A2ML1: variants seen among roughly 807,000 people sequenced by gnomAD.
A2ML1 encodes alpha-2-macroglobulin like 1, also known as alpha-2-macroglobulin-like protein 1.
A2ML1 carries 161 observed loss-of-function variants against 181.9 expected under a neutral mutation model. That is an observed-to-expected ratio of 0.89 (90% confidence interval 0.78 to 1.01). A2ML1 has a LOEUF of 1.01. Ranked by LOEUF, A2ML1 falls within the 50% of genes least tolerant of loss-of-function variation. A2ML1 has a pLI of 0.00. For missense variants in A2ML1, 1,670 were observed against 1,768.1 expected (o/e 0.94, Z 1.00); for synonymous variants, 663 against 666.8 (o/e 0.99, Z 0.09).
chr12:8,876,870 T>G (rs1944813397), downstream of A2ML1: 1 of 152,200 alleles, frequency 6.6e-6, no homozygotes, highest in East Asian at 1.9e-4. Flanking sequence ...AAACTCACAG[T>G]TTGGTTTCTT....
downstream of A2ML1, among the ~76,000 whole-genome samples, chr12:8,881,738 G>A (rs1364874930): frequency 6.6e-6 from 1 of 152,148 alleles, no homozygotes; most frequent in African/African-American, 2.4e-5. Flanking sequence ...GTGGCTGGGT[G>A]TGGTGGCTCA....
intron 33 of A2ML1, 145 bp from the exon 34 acceptor site, chr12:8,874,280 T>C: frequency 3.7e-6 from 2 of 546,500 alleles, no homozygotes; most frequent in South Asian, 2.0e-5. Flanking sequence ...CCTCCCAAAG[T>C]GCTGGGATTA....
At chr12:8,883,424 G>T (rs1195047326) in intron 7 of A2ML1, among the ~76,000 whole-genome samples, 2 of 152,190 alleles carry the variant, frequency 1.3e-5, no homozygotes, top group Non-Finnish European at 2.9e-5. Flanking sequence ...CAGAATTCCA[G>T]CCTACAAAAA....
intron 7 of A2ML1, among the ~76,000 whole-genome samples, chr12:8,882,073 T>G (rs1173783836): frequency 6.6e-6 from 1 of 150,680 alleles, no homozygotes; most frequent in Non-Finnish European, 1.5e-5. Context: ...GTTGAGATAG[T>G]GGGATATAAA....
In A2ML1 at chr12:8,843,321, C is replaced by A; in HGVS notation, c.1436C>A (p.Ala479Asp). The part of the protein sequence containing the change: ...EVLVDYYIDP[A>D]DASPDQEISF... ...CTGGTGGATTATTACATCGACCCGG[C>A]CGATGCAAGCCCTGACCAAGAGATC... Residue 479 changes from alanine to aspartate, a missense_variant, in exon 12 of 36, where the codon GCC (alanine) becomes GAC (aspartate). By Grantham distance (126) the Ala-to-Asp change is moderately radical (BLOSUM62 -2). Transcript: ENST00000299698. 1 of 1,613,828 alleles carries A rather than the reference C, an allele frequency of 6.2e-7. No homozygotes were observed. The highest frequency in any genetic ancestry group is 8.5e-7 in the Non-Finnish European group (1 of 1,180,036).
chr12:8,874,467 AGT>A lies in A2ML1; in HGVS notation c.4268_4269del (p.Val1423AlafsTer14). 2 of 1,614,106 alleles carry A rather than the reference AGT, an allele frequency of 1.2e-6. No homozygotes were observed. Among genetic ancestry groups the A allele is most frequent in the Non-Finnish European group, 1.7e-6 (2 of 1,179,994 alleles). On this transcript the variant is annotated frameshift_variant, in exon 34 of 36. Transcript: ENST00000299698. LOFTEE classifies it high-confidence loss of function. ...GACTTACACCTTCACCATCAGCCAA[AGT>A]GTGCTGGTCACCAACTTGAAACCAG... Reference protein sequence around the residue: ...TQTYTFTISQSVLVTNLKPAT... With the variant: ...TQTYTFTISQXVLVTNLKPAT...
At chr12:8,848,671 C>G in intron 15 of A2ML1, 49 bp from the exon 16 acceptor site, 1 of 1,432,758 alleles carries the variant, frequency 7.0e-7, no homozygotes, top group East Asian at 2.4e-5. Flanking sequence ...AGTTTCTCAA[C>G]TGATATCACT....
Position 8,861,311 on chromosome 12 carries a change from G to A in A2ML1, c.3502+14G>A. The A allele has an allele frequency of 1.9e-6, 3 of 1,613,076 alleles. No homozygotes were observed. Among genetic ancestry groups the A allele is most frequent in the South Asian group, 2.2e-5 (2 of 90,916 alleles). On this transcript the variant is annotated intron_variant, in intron 28 of 35. Transcript: ENST00000299698. Reference sequence around the variant, plus strand: ...CTATCATCTCAGGTATGTTGGTCCTGTTGAGAGTTCTTTGAAATTGTGAAC... The same window carrying A: ...CTATCATCTCAGGTATGTTGGTCCTATTGAGAGTTCTTTGAAATTGTGAAC...
rs781140434 is a variant in A2ML1 at position 8,884,883 on chromosome 12, G to A, written c.*95-1624G>A. The stretch of plus-strand genomic sequence containing the variant: ...CCTTTTTATGGCTGCATAGTATTCC[G>A]TGGTTTATATGTACCACATTTTCTT... On this transcript the variant is annotated intron_variant and NMD_transcript_variant, in intron 7 of 7. Coordinates refer to the A2ML1 transcript ENST00000537475. 6.6e-5 allele frequency among the ~76,000 whole-genome samples: 10 copies of A among 152,252 alleles called. 1 individual carries two copies. Among genetic ancestry groups the A allele is most frequent in the African/African-American group, 2.2e-4 (9 of 41,560 alleles).
chr12:8,829,853 T>C, intron 4 of A2ML1, 74 bp downstream of exon 4: 1 of 1,589,940 alleles, frequency 6.3e-7, no homozygotes, highest in Non-Finnish European at 8.6e-7. Context: ...AGGGTGGAAG[T>C]CCTCTCAGCC....
chr12:8,858,075 G>A lies in A2ML1; in HGVS notation c.3237G>A (p.Val1079=), dbSNP rs11612600. Residue 1079 remains valine (V), a synonymous_variant, in exon 26 of 36, where the codon GTG becomes GTA. Coordinates refer to ENST00000299698, the MANE Select transcript of A2ML1 (RefSeq NM_144670.6). ...NQLPSGCYAN[V]GNLLHTAMKG... Reference sequence around the variant, plus strand: ...TCCCCAGTGGCTGCTATGCCAACGTGGGAAATCTCCTTCACACAGCTATGA... The same window carrying A: ...TCCCCAGTGGCTGCTATGCCAACGTAGGAAATCTCCTTCACACAGCTATGA... 0.34 allele frequency: 542,786 copies of A among 1,613,776 alleles called. 95,106 individuals are homozygous for A. The highest frequency in any genetic ancestry group is 0.36 in the Non-Finnish European group (426,562 of 1,179,894).
chr12:8,870,737 AGAGTGG>A (rs1235182855), intron 33 of A2ML1, among the ~76,000 whole-genome samples: 1 of 152,028 alleles, frequency 6.6e-6, no homozygotes. Flanking sequence ...TTGGAGAGAG[AGAGTGG>A]GTTGTCCAAG....
chr12:8,843,188 T>A lies in A2ML1; in HGVS notation c.1303T>A (p.Tyr435Asn). 1 of 1,614,220 alleles carries A rather than the reference T, an allele frequency of 6.2e-7. No individual in the cohort carries two copies. The highest frequency in any genetic ancestry group is 8.5e-7 in the Non-Finnish European group (1 of 1,180,050). ...TAATCCGGAACAAGTGCCACGTTACTACCAAAATGCCTACCTGCACCTGCG... is the reference window on the plus strand; with the variant it reads ...TAATCCGGAACAAGTGCCACGTTACAACCAAAATGCCTACCTGCACCTGCG... ...VYNPEQVPRY[Y>N]QNAYLHLRPF... Residue 435 changes from tyrosine to asparagine, a missense_variant, in exon 12 of 36, where the codon TAC becomes AAC. By Grantham distance (143) the Tyr-to-Asn change is moderately radical. Coordinates refer to ENST00000299698, the MANE Select transcript of A2ML1 (RefSeq NM_144670.6).
intron 3 of A2ML1, among the ~76,000 whole-genome samples, chr12:8,827,106 T>C (rs1942954405): frequency 6.6e-6 from 1 of 152,086 alleles, no homozygotes; most frequent in Non-Finnish European, 1.5e-5. Flanking sequence ...TTTGGGAGGC[T>C]GAGGTGGGCA....
At chr12:8,848,942 A>AT in intron 16 of A2ML1, 28 bp downstream of exon 16, 2 of 1,590,214 alleles carry the variant, frequency 1.3e-6, no homozygotes, top group Non-Finnish European at 1.7e-6. Context: ...TTTTGTTCTT[A>AT]TGGGAAAGAT....
At chr12:8,841,285 T>C in intron 10 of A2ML1, 84 bp from the exon 11 acceptor site, 2 of 1,307,192 alleles carry the variant, frequency 1.5e-6, no homozygotes. Context: ...ACAATTAGTT[T>C]GCACCAACCT....
intron 14 of A2ML1, 72 bp downstream of exon 14, chr12:8,846,294 GAAACA>G (rs1293766366): frequency 5.3e-5 from 83 of 1,564,740 alleles, no homozygotes; most frequent in Non-Finnish European, 6.6e-5. Flanking sequence ...GCTGCGGTTG[GAAACA>G]AGACAAGTCA....
intron 4 of A2ML1, among the ~76,000 whole-genome samples, chr12:8,831,684 CTG>C (rs1356500623): frequency 6.6e-6 from 1 of 152,142 alleles, no homozygotes; most frequent in Non-Finnish European, 1.5e-5. Context: ...GTGTGGGAGA[CTG>C]GAGTTTTACT....
chr12:8,854,760 TG>T lies in A2ML1; in HGVS notation c.2713-19del, dbSNP rs1565483166. On this transcript the variant is annotated intron_variant, in intron 21 of 35. Transcript: ENST00000299698. Reference sequence around the variant, plus strand: ...GATGTTCATCTTTGTTGTTTTTATCTGTGTCTCTCTTCATCGCAGCCTGAGG... The same window carrying T: ...GATGTTCATCTTTGTTGTTTTTATCTTGTCTCTCTTCATCGCAGCCTGAGG... The T allele has an allele frequency of 6.2e-7, 1 of 1,614,044 alleles. No homozygotes were observed. Among genetic ancestry groups the T allele is most frequent in the Non-Finnish European group, 8.5e-7 (1 of 1,179,934 alleles).
Sources: gnomAD v4.1 joint callset for allele counts (sites outside exome capture counted in the v4.1 genomes callset) on GRCh38, gnomAD v4.1.1 for gene constraint, MANE v1.5 for transcripts, NCBI Gene and HGNC (gene_info 2026-07-23, HGNC 2026-07-21) for gene names.